FAM149B1: variants seen among roughly 807,000 people sequenced by gnomAD.
FAM149B1 encodes family with sequence similarity 149 member B1.
In FAM149B1, 56 loss-of-function variants were observed where a neutral mutation model predicts 75.3. That is an observed-to-expected ratio of 0.74 (90% CI 0.60 to 0.93). FAM149B1 has a LOEUF of 0.93. FAM149B1 is among the 40% of genes least tolerant of loss of function. The probability of loss-of-function intolerance (pLI) is 0.00; values close to 1 mark genes in which losing one functional copy is unlikely to be tolerated. For synonymous variants in FAM149B1, 259 were observed against 256.1 expected (o/e 1.01, Z -0.11); for missense variants, 639 against 708.4 (o/e 0.90, Z 1.11).
In FAM149B1 at chr10:73,242,345, T is replaced by C. The variant is rs1325446560; in HGVS notation, c.*1326T>C. ...ATCTACATAGAAATGAAAATCTCTA[T>C]TGTTCTCACAAACCATTACCATGAG... is the stretch of plus-strand genomic sequence containing the variant. On this transcript the variant is annotated 3_prime_UTR_variant, in exon 14 of 14. Transcript: ENST00000242505. The C allele has an allele frequency of 2.0e-5, 3 of 152,214 alleles. No homozygotes were observed. In the East Asian group the frequency reaches 5.8e-4, roughly 29 times the overall value. 9.4% of individuals were successfully genotyped at this position (152,214 alleles called of 1,614,324 possible). A position where few individuals can be genotyped will look rare whatever the true frequency, so the allele number is the denominator to read the frequency against.
At chr10:73,195,358 G>A (rs76613592) in intron 5 of FAM149B1, among the ~76,000 whole-genome samples, 7,983 of 152,116 alleles carry the variant, frequency 0.052, 620 homozygotes, top group African/African-American at 0.17. Flanking sequence ...CAAGCTGCTG[G>A]TCATTAGGCA....
At chr10:73,175,079 C>T (rs139823812) in intron 2 of FAM149B1, among the ~76,000 whole-genome samples, 79 of 152,080 alleles carry the variant, frequency 5.2e-4, no homozygotes, top group African/African-American at 1.9e-3. Flanking sequence ...AACAAAAAAA[C>T]AGAACATGGA....
intron 5 of FAM149B1, among the ~76,000 whole-genome samples, chr10:73,202,825 G>C (rs1490357055): frequency 1.3e-5 from 2 of 151,940 alleles, no homozygotes; most frequent in African/African-American, 4.8e-5. Context: ...CGAGTAGCTG[G>C]GACTACTGGT....
chr10:73,193,739 T>C (rs1256376861), intron 5 of FAM149B1, 146 bp downstream of exon 5: 12 of 759,622 alleles, frequency 1.6e-5, no homozygotes, highest in African/African-American at 3.5e-5. Context: ...GTCCATAGTC[T>C]TTGTGTATAT....
rs777285753 is a variant in FAM149B1 at position 73,228,073 on chromosome 10, TG to T, written c.913del (p.Val305LeufsTer14). 21 of 1,551,600 alleles carry T rather than the reference TG, an allele frequency of 1.4e-5. No individual in the cohort carries two copies. Among genetic ancestry groups the T allele is most frequent in the Non-Finnish European group, 1.8e-5 (21 of 1,146,882 alleles). On this transcript the variant is annotated frameshift_variant, in exon 8 of 14. Coordinates refer to ENST00000242505, the MANE Select transcript of FAM149B1 (RefSeq NM_173348.2). LOFTEE classifies it high-confidence loss of function. ...TCCTTTGCCCAGATGATGAGAGTAA[TG>T]TTGCAGTTACCAGACCCGATTCAGA... The part of the protein sequence containing the change: ...EGFASDDESN[V>X]AVTRPDSESS...
chr10:73,213,573 C>T (rs2043236539), intron 7 of FAM149B1, among the ~76,000 whole-genome samples: 1 of 152,154 alleles, frequency 6.6e-6, no homozygotes. Context: ...GTTTTCCCAG[C>T]ACCACTTATT....
At position 73,200,102 on chromosome 10, in the gene FAM149B1, G is replaced by A. The variant is rs549150386; in HGVS notation, c.542+6509G>A. 1.8e-4 allele frequency: 31 copies of A among 168,998 alleles called. No individual in the cohort carries two copies. The South Asian group carries it at 3.4e-3, about 19-fold the overall frequency. The allele number at this position is 168,998 out of a possible 1,614,324, so 10.5% of individuals were successfully genotyped here. On this transcript the variant is annotated intron_variant, in intron 5 of 13. Transcript: ENST00000242505. ...CCAGCACTTTGGGAGGCCGAGGCGGGTAGATTACCTGAGGTCAGGAGTTCG... is the reference window on the plus strand; with the variant it reads ...CCAGCACTTTGGGAGGCCGAGGCGGATAGATTACCTGAGGTCAGGAGTTCG...
rs2043155079 is a variant in FAM149B1 at position 73,210,115 on chromosome 10, T to C, written c.711-136T>C. ...TCTATTTTCTATTTATTACTTCTAT[T>C]TGGCCTTTGTCAAATTAATTCTATT... On this transcript the variant is annotated intron_variant, in intron 6 of 13. Coordinates refer to ENST00000242505, the MANE Select transcript of FAM149B1 (RefSeq NM_173348.2). 5 of 623,890 alleles carry C rather than the reference T, an allele frequency of 8.0e-6. No individual in the cohort carries two copies. In the South Asian group the frequency reaches 1.0e-4, roughly 13 times the overall value. 38.6% of individuals were successfully genotyped at this position (623,890 alleles called of 1,614,324 possible).
chr10:73,221,366 T>TAG (rs141391466), intron 7 of FAM149B1, among the ~76,000 whole-genome samples: 15,894 of 152,168 alleles, frequency 0.1, 1,179 homozygotes, highest in East Asian at 0.3. Flanking sequence ...TGATTAACTG[T>TAG]TTCTTTTGTA....
rs558094008 is a variant in FAM149B1, at chr10:73,201,079, C to T, written c.542+7486C>T. Reference sequence around the variant, plus strand: ...ACCTAGCAGTCATGAAAACTGTATTCGCAGAATTGGCAGAGGGGTCAATTT... The same window carrying T: ...ACCTAGCAGTCATGAAAACTGTATTTGCAGAATTGGCAGAGGGGTCAATTT... On this transcript the variant is annotated intron_variant, in intron 5 of 13. Coordinates refer to ENST00000242505, the MANE Select transcript of FAM149B1 (RefSeq NM_173348.2). 5 of 275,828 alleles carry T rather than the reference C, an allele frequency of 1.8e-5. No individual in the cohort carries two copies. The South Asian group carries it at 1.9e-4, about 11-fold the overall frequency. 17.1% of individuals were successfully genotyped at this position (275,828 alleles called of 1,614,324 possible). A position where few individuals can be genotyped will look rare whatever the true frequency, so the allele number is the denominator to read the frequency against.
intron 3 of FAM149B1, among the ~76,000 whole-genome samples, chr10:73,181,386 C>A (rs72615506): frequency 6.4e-4 from 97 of 152,148 alleles, no homozygotes; most frequent in African/African-American, 2.3e-3. Flanking sequence ...TAGGCACTTA[C>A]AGCTGTAAAC....
chr10:73,233,145 TCCTCAGAGGA>T lies in FAM149B1; in HGVS notation c.1335_1344del (p.Ile445MetfsTer19). On this transcript the variant is annotated frameshift_variant, in exon 10 of 14. Coordinates refer to ENST00000242505, the MANE Select transcript of FAM149B1 (RefSeq NM_173348.2). LOFTEE classifies it high-confidence loss of function. ...GAAACACCAAGATCTGTGGAAGAAATCCTCAGAGGAGCCCGAGTGTAGGTTTCAAAAGCAG... is the reference window on the plus strand; with the variant it reads ...GAAACACCAAGATCTGTGGAAGAAATGCCCGAGTGTAGGTTTCAAAAGCAG... The T allele has an allele frequency of 1.3e-6, 2 of 1,551,450 alleles. No individual in the cohort carries two copies.
chr10:73,183,400 A>G (rs904198962), intron 3 of FAM149B1: 5 of 152,184 alleles, frequency 3.3e-5, no homozygotes, highest in Admixed American at 3.3e-4. Flanking sequence ...GATTATTGTA[A>G]AATTATTCAA....
rs1268134274 is a variant in FAM149B1, at chr10:73,234,790, C to G, written c.1353-27C>G. 7 of 1,549,680 alleles carry G rather than the reference C, an allele frequency of 4.5e-6. No individual in the cohort carries two copies. In the East Asian group the frequency reaches 1.2e-4, roughly 27 times the overall value. ...TTGTTATAACTTCATGCTTTCATAC[C>G]TTCGTGTTTGTTGGTGGGATCTGCA... On this transcript the variant is annotated intron_variant, in intron 10 of 13. Transcript: ENST00000242505.
At chr10:73,194,174 A>G (rs1426286685) in intron 5 of FAM149B1, among the ~76,000 whole-genome samples, 8 of 152,102 alleles carry the variant, frequency 5.3e-5, no homozygotes, top group Non-Finnish European at 1.2e-4. Flanking sequence ...TTTCAGCGTG[A>G]ATTTTGGAGG....
intron 1 of FAM149B1, among the ~76,000 whole-genome samples, chr10:73,169,459 CTTTTTT>C (rs11452129): frequency 7.0e-6 from 1 of 142,614 alleles, no homozygotes; most frequent in Non-Finnish European, 1.5e-5. Context: ...AGGGCCTTCA[CTTTTTT>C]TTTTTTTTTG....
intron 5 of FAM149B1, among the ~76,000 whole-genome samples, chr10:73,196,065 A>G (rs963533817): frequency 6.6e-6 from 1 of 152,238 alleles, no homozygotes; most frequent in African/African-American, 2.4e-5. Context: ...TCTAATTATT[A>G]CAACTTAGCC....
chr10:73,192,749 A>G (rs1211127280), intron 4 of FAM149B1, 51 bp downstream of exon 4: 9 of 1,437,860 alleles, frequency 6.3e-6, no homozygotes, highest in African/African-American at 1.5e-5. Flanking sequence ...CTAAAATTTA[A>G]AAAGTAGATT....
intron 6 of FAM149B1, among the ~76,000 whole-genome samples, chr10:73,209,405 G>A (rs1448441357): frequency 1.3e-5 from 2 of 152,002 alleles, no homozygotes; most frequent in African/African-American, 4.8e-5. Flanking sequence ...CCGAGATCAC[G>A]CCACTGCATA....
Sources: allele counts gnomAD v4.1 joint callset (sites outside exome capture counted in the v4.1 genomes callset), GRCh38; gene constraint gnomAD v4.1.1; transcripts MANE v1.5; gene names NCBI Gene and HGNC (gene_info 2026-07-23, HGNC 2026-07-21).